CADPS2: variants seen among roughly 807,000 people sequenced by gnomAD.
CADPS2 encodes the protein calcium dependent secretion activator 2.
Under a neutral mutation model 172.5 loss-of-function variants are expected in CADPS2, and 93 were observed. The observed-to-expected ratio is 0.54, with a 90% CI of 0.46 to 0.64. The LOEUF is 0.64. Ranked by LOEUF, CADPS2 falls within the 30% of genes least tolerant of loss-of-function variation. CADPS2 has a pLI of 0.00. For synonymous variants in CADPS2, 546 were observed against 555.2 expected (o/e 0.98, Z 0.23); for missense variants, 1,420 against 1,565.9 (o/e 0.91, Z 1.57).
intron 12 of CADPS2, among the ~76,000 whole-genome samples, chr7:122,480,616 C>A (rs574663122): frequency 1.3e-5 from 2 of 152,220 alleles, no homozygotes; most frequent in Non-Finnish European, 2.9e-5. Context: ...GTTATTACAA[C>A]ACATTCGTGG....
chr7:122,787,013 G>A (rs1794196972), intron 1 of CADPS2, among the ~76,000 whole-genome samples: 1 of 152,194 alleles, frequency 6.6e-6, no homozygotes, highest in South Asian at 2.1e-4. Context: ...CAAGATTTAA[G>A]AAACGAACCT....
intron 20 of CADPS2, among the ~76,000 whole-genome samples, chr7:122,402,029 T>G (rs2046019098): frequency 6.6e-6 from 1 of 152,044 alleles, no homozygotes. Context: ...CAGACAGATG[T>G]TTTTTTATTT....
chr7:122,736,193 C>T (rs1389628893), intron 2 of CADPS2, among the ~76,000 whole-genome samples: 1 of 152,104 alleles, frequency 6.6e-6, no homozygotes, highest in Non-Finnish European at 1.5e-5. Context: ...TATTTTTACA[C>T]AAAAATATTC....
chr7:122,455,611 T>C lies in CADPS2; in HGVS notation c.2187-4136A>G, dbSNP rs1037410939. Among the ~76,000 whole-genome samples the C allele has an allele frequency of 4.6e-5, 7 of 152,236 alleles. No homozygotes were observed. The East Asian group carries it at 1.2e-3, about 25-fold the overall frequency. On this transcript the variant is annotated intron_variant, in intron 14 of 29. Coordinates refer to ENST00000449022, the MANE Select transcript of CADPS2 (RefSeq NM_017954.11). ...GAGTAATATATGCAATATAAAAATA[T>C]TACTTAAGATGATAAGAATTCATGA...
intron 8 of CADPS2, among the ~76,000 whole-genome samples, chr7:122,543,530 C>T (rs1203523321): frequency 1.3e-5 from 2 of 152,010 alleles, no homozygotes; most frequent in African/African-American, 4.8e-5. Context: ...ATCAAGCATG[C>T]ATTCAGTGCT....
At chr7:122,528,503 T>C (rs1443201420) in intron 8 of CADPS2, among the ~76,000 whole-genome samples, 1 of 152,142 alleles carries the variant, frequency 6.6e-6, no homozygotes, top group African/African-American at 2.4e-5. Flanking sequence ...TCAGCTTCTC[T>C]CTCATGTATC....
intron 4 of CADPS2, among the ~76,000 whole-genome samples, chr7:122,627,663 A>C (rs2076209740): frequency 6.6e-6 from 1 of 152,170 alleles, no homozygotes; most frequent in Non-Finnish European, 1.5e-5. Flanking sequence ...CTTAAACTTT[A>C]TTCTAAAGCA....
intron 27 of CADPS2, among the ~76,000 whole-genome samples, chr7:122,346,286 T>G (rs978100630): frequency 6.6e-6 from 1 of 152,128 alleles, no homozygotes; most frequent in Admixed American, 6.5e-5. Context: ...GAGAATTGCT[T>G]GAGCATGGGT....
At chr7:122,436,274 G>T in intron 17 of CADPS2, 1 of 735,396 alleles carries the variant, frequency 1.4e-6, no homozygotes. Context: ...CAGCTTGCCT[G>T]TCAATCATGT....
chr7:122,644,378 ATCT>A (rs138107344), intron 3 of CADPS2, among the ~76,000 whole-genome samples: 30,850 of 151,928 alleles, frequency 0.2, 3,882 homozygotes, highest in Middle Eastern at 0.3. Context: ...CAATCTCCAA[ATCT>A]TCTTGGAAGA....
chr7:122,581,161 A>G lies in CADPS2; in HGVS notation c.1335+18T>C. The G allele has an allele frequency of 6.3e-7, 1 of 1,589,860 alleles. No homozygotes were observed. Among genetic ancestry groups the G allele is most frequent in the Non-Finnish European group, 8.6e-7 (1 of 1,158,324 alleles). On this transcript the variant is annotated intron_variant, in intron 7 of 29. Coordinates refer to ENST00000449022, the MANE Select transcript of CADPS2 (RefSeq NM_017954.11). ...TAAAACTGTTCTACCCTGGACACAC[A>G]GGCTGACCACAACTCACCCTTCCCA...
intron 1 of CADPS2, among the ~76,000 whole-genome samples, chr7:122,740,054 G>A (rs1244798640): frequency 6.6e-6 from 1 of 152,088 alleles, no homozygotes; most frequent in African/African-American, 2.4e-5. Flanking sequence ...CCATTAGAAA[G>A]AACAAAATCC....
At chr7:122,748,051 T>C (rs1175160040) in intron 1 of CADPS2, among the ~76,000 whole-genome samples, 2 of 152,126 alleles carry the variant, frequency 1.3e-5, no homozygotes, top group African/African-American at 4.8e-5. Context: ...CTTCAATATA[T>C]CCCACCTTAA....
At chr7:122,499,275 G>A (rs1404660890) in intron 9 of CADPS2, among the ~76,000 whole-genome samples, 1 of 152,070 alleles carries the variant, frequency 6.6e-6, no homozygotes, top group Non-Finnish European at 1.5e-5. Context: ...CCCACTTTAA[G>A]AATACCTCAT....
chr7:122,511,234 C>T (rs2059979341), intron 9 of CADPS2, among the ~76,000 whole-genome samples: 2 of 151,838 alleles, frequency 1.3e-5, no homozygotes, highest in Admixed American at 1.3e-4. Flanking sequence ...GTTAATCTTC[C>T]CCCAAAAACC....
intron 1 of CADPS2, among the ~76,000 whole-genome samples, chr7:122,846,812 C>T (rs200654344): frequency 6.6e-6 from 1 of 152,176 alleles, no homozygotes; most frequent in Non-Finnish European, 1.5e-5. Context: ...AAGCTGGCAC[C>T]ACTCCCTTAT....
intron 24 of CADPS2, among the ~76,000 whole-genome samples, chr7:122,381,959 A>G (rs1585451321): frequency 6.6e-6 from 1 of 152,134 alleles, no homozygotes; most frequent in South Asian, 2.1e-4. Flanking sequence ...CTAATATTAC[A>G]ACTGCTGGGA....
intron 6 of CADPS2, among the ~76,000 whole-genome samples, chr7:122,608,674 G>C (rs2073908958): frequency 6.6e-6 from 1 of 152,084 alleles, no homozygotes; most frequent in South Asian, 2.1e-4. Context: ...ACTTTCAGGT[G>C]GTGGGCAGTA....
intron 1 of CADPS2, among the ~76,000 whole-genome samples, chr7:122,866,871 T>A (rs1449368946): frequency 6.6e-6 from 1 of 152,170 alleles, no homozygotes; most frequent in Non-Finnish European, 1.5e-5. Context: ...TACCACGGCC[T>A]AAAAAATTCA....
Sources: allele counts gnomAD v4.1 joint callset (sites outside exome capture counted in the v4.1 genomes callset), GRCh38; gene constraint gnomAD v4.1.1; transcripts MANE v1.5; gene names NCBI Gene and HGNC (gene_info 2026-07-23, HGNC 2026-07-21).